SLC4A10: variants seen among roughly 807,000 people sequenced by gnomAD.
The protein encoded by SLC4A10 is sodium-driven chloride bicarbonate exchanger.
Under a neutral mutation model 137.7 loss-of-function variants are expected in SLC4A10, and 42 were observed. That is an observed-to-expected ratio of 0.30 (90% CI 0.24 to 0.39). The LOEUF (loss-of-function observed/expected upper bound fraction) is 0.39, where lower values mean the gene tolerates loss of function less well. Ranked by LOEUF, SLC4A10 falls within the 10% of genes least tolerant of loss-of-function variation. The pLI, the probability that SLC4A10 is intolerant of heterozygous loss-of-function variation, is 1.00. For missense variants in SLC4A10, 925 were observed against 1,355.0 expected (o/e 0.68, Z 4.98); for synonymous variants, 474 against 464.1 (o/e 1.02, Z -0.27).
chr2:161,833,171 A>G (rs2058548514), intron 3 of SLC4A10, among the ~76,000 whole-genome samples: 2 of 152,220 alleles, frequency 1.3e-5, no homozygotes, highest in South Asian at 2.1e-4. Flanking sequence ...TTGGAAAATG[A>G]GTGAGGTGGG....
At chr2:161,645,914 C>T (rs1488127270) in intron 1 of SLC4A10, among the ~76,000 whole-genome samples, 2 of 152,014 alleles carry the variant, frequency 1.3e-5, no homozygotes, top group East Asian at 1.9e-4. Flanking sequence ...TAAGCATTTA[C>T]CCAGGGGTGG....
At chr2:161,943,665 C>T (rs1693163625) in intron 16 of SLC4A10, among the ~76,000 whole-genome samples, 1 of 151,882 alleles carries the variant, frequency 6.6e-6, no homozygotes, top group African/African-American at 2.4e-5. Flanking sequence ...CTGAGTAGCC[C>T]TACTTTCTTT....
chr2:161,953,609 A>G (rs925043759), intron 19 of SLC4A10, among the ~76,000 whole-genome samples: 1 of 150,024 alleles, frequency 6.7e-6, no homozygotes, highest in African/African-American at 2.4e-5. Context: ...CTCCGTCTCA[A>G]AAAAAAAAAA....
intron 1 of SLC4A10, among the ~76,000 whole-genome samples, chr2:161,747,959 C>T (rs1358577721): frequency 6.6e-6 from 1 of 152,022 alleles, no homozygotes; most frequent in Non-Finnish European, 1.5e-5. Context: ...CCAACATTTA[C>T]CTTATGTCTT....
intron 15 of SLC4A10, among the ~76,000 whole-genome samples, chr2:161,930,040 G>A (rs976546372): frequency 9.2e-5 from 14 of 152,044 alleles, no homozygotes; most frequent in African/African-American, 3.4e-4. Flanking sequence ...TAAGCTACCT[G>A]GTCTTTCTTG....
In SLC4A10 at chr2:161,980,539, C is replaced by T. The variant is rs146956886; in HGVS notation, c.*27-2640C>T. On this transcript the variant is annotated intron_variant, in intron 26 of 26. Transcript: ENST00000446997. Reference sequence around the variant, plus strand: ...TAACGCACACCTGTAATCCCAGCTACTCAGGAGGCTGAGGCAGGAGAATCC... The same window carrying T: ...TAACGCACACCTGTAATCCCAGCTATTCAGGAGGCTGAGGCAGGAGAATCC... Among the ~76,000 whole-genome samples, 140 of 152,222 alleles carry T rather than the reference C, an allele frequency of 9.2e-4. 1 individual carries two copies. In the East Asian group the frequency reaches 0.021, roughly 23 times the overall value.
At chr2:161,896,010 A>T (rs1339303570) in intron 11 of SLC4A10, among the ~76,000 whole-genome samples, 3 of 150,396 alleles carry the variant, frequency 2.0e-5, no homozygotes, top group Non-Finnish European at 4.5e-5. Context: ...CTGAATGGTA[A>T]TGCCTAGGTT....
intron 10 of SLC4A10, among the ~76,000 whole-genome samples, chr2:161,883,911 T>C (rs2062013640): frequency 6.6e-6 from 1 of 152,220 alleles, no homozygotes; most frequent in Non-Finnish European, 1.5e-5. Flanking sequence ...CATCTTGAGA[T>C]ACTTACCTTA....
intron 3 of SLC4A10, among the ~76,000 whole-genome samples, chr2:161,836,233 C>G (rs922571392): frequency 6.6e-6 from 1 of 152,172 alleles, no homozygotes; most frequent in Non-Finnish European, 1.5e-5. Flanking sequence ...TGTGGTGGCT[C>G]ATGCCTGTAA....
chr2:161,698,747 G>C (rs1014256809), intron 1 of SLC4A10, among the ~76,000 whole-genome samples: 1 of 152,132 alleles, frequency 6.6e-6, no homozygotes, highest in African/African-American at 2.4e-5. Context: ...ATGTTCATCA[G>C]GGATATTGGT....
chr2:161,855,557 C>T (rs867534327), intron 5 of SLC4A10, among the ~76,000 whole-genome samples: 1 of 152,016 alleles, frequency 6.6e-6, no homozygotes, highest in African/African-American at 2.4e-5. Context: ...TCATTTTAAA[C>T]TTAATTAAAA....
intron 4 of SLC4A10, among the ~76,000 whole-genome samples, chr2:161,842,787 T>A (rs1184429992): frequency 2.6e-5 from 4 of 152,174 alleles, no homozygotes; most frequent in African/African-American, 9.6e-5. Context: ...TCTTCTTTAT[T>A]TGGTGACAGA....
chr2:161,651,473 C>T (rs1214925981), intron 1 of SLC4A10, among the ~76,000 whole-genome samples: 1 of 152,226 alleles, frequency 6.6e-6, no homozygotes. Flanking sequence ...TGCCCCCCTG[C>T]TTGCCATGTT....
intron 1 of SLC4A10, among the ~76,000 whole-genome samples, chr2:161,628,990 ATCATTTCTTTCTAAC>A (rs1289487072): frequency 6.6e-6 from 1 of 152,006 alleles, no homozygotes; most frequent in African/African-American, 2.4e-5. Flanking sequence ...CTTCCAATAT[ATCATTTCTTTCTAAC>A]CTTGAATGAT....
chr2:161,828,665 T>G (rs970203256), intron 3 of SLC4A10, among the ~76,000 whole-genome samples: 2 of 146,106 alleles, frequency 1.4e-5, no homozygotes, highest in Non-Finnish European at 3.0e-5. Context: ...TTTTCATCCT[T>G]GTTTGATTCA....
intron 1 of SLC4A10, among the ~76,000 whole-genome samples, chr2:161,677,377 G>A (rs1226130347): frequency 6.6e-6 from 1 of 152,058 alleles, no homozygotes; most frequent in East Asian, 1.9e-4. Context: ...CCAGCCTCAG[G>A]TATTCTTTTA....
At chr2:161,946,508 A>G (rs902550994) in intron 16 of SLC4A10, among the ~76,000 whole-genome samples, 1 of 152,044 alleles carries the variant, frequency 6.6e-6, no homozygotes, top group Non-Finnish European at 1.5e-5. Flanking sequence ...CTGCAATTCA[A>G]TTTATGTTCA....
At chr2:161,857,372 C>A (rs1361790186) in intron 5 of SLC4A10, among the ~76,000 whole-genome samples, 3 of 152,026 alleles carry the variant, frequency 2.0e-5, no homozygotes, top group African/African-American at 4.8e-5. Context: ...AGTAGCCCAA[C>A]CTGAATGTCC....
At position 161,928,266 on chromosome 2, in the gene SLC4A10, G is replaced by A. The variant is rs1383340911; in HGVS notation, c.1998-14526G>A. 4.1e-3 allele frequency among the ~76,000 whole-genome samples: 616 copies of A among 148,716 alleles called. 4 individuals are homozygous for A. Among genetic ancestry groups the A allele is most frequent in the African/African-American group, 0.014 (578 of 40,278 alleles). On this transcript the variant is annotated intron_variant, in intron 15 of 26. Coordinates refer to ENST00000446997, the MANE Select transcript of SLC4A10 (RefSeq NM_001178015.2). ...AAATCATCATTCTCAGTAAACTATC[G>A]CAAGAACAAAAAACCAAACACGGCA...
Sources: gnomAD v4.1 joint callset for allele counts (sites outside exome capture counted in the v4.1 genomes callset) on GRCh38, gnomAD v4.1.1 for gene constraint, MANE v1.5 for transcripts, NCBI Gene and HGNC (gene_info 2026-07-23, HGNC 2026-07-21) for gene names.